Variants in OSBPL6 observed in about 807,000 individuals in gnomAD.
The protein encoded by OSBPL6 is oxysterol-binding protein-related protein 6.
In OSBPL6, 49 loss-of-function variants were observed where a neutral mutation model predicts 125.8. The observed-to-expected ratio is 0.39, with a 90% CI of 0.31 to 0.49. The LOEUF is 0.49. Among genes scored for constraint, OSBPL6 ranks in the 20% least tolerant of loss-of-function variants. The pLI is 0.88. For missense variants in OSBPL6, 986 were observed against 1,135.4 expected, an observed-to-expected ratio of 0.87 and a Z score of 1.89; for synonymous variants, 394 against 391.8, an observed-to-expected ratio of 1.01 and a Z score of -0.07.
intron 1 of OSBPL6, among the ~76,000 whole-genome samples, chr2:178,225,241 TA>T (rs572870964): frequency 0.026 from 3,626 of 137,712 alleles, 116 homozygotes; most frequent in African/African-American, 0.081. Context: ...CCCATTACTT[TA>T]AAAAAAAAAA....
At chr2:178,243,517 A>C (rs577626161) in intron 1 of OSBPL6, among the ~76,000 whole-genome samples, 4 of 151,992 alleles carry the variant, frequency 2.6e-5, no homozygotes. Context: ...TCATTCCTTC[A>C]CTGCACTCCC....
At chr2:178,348,285 C>CT (rs1366096201) in intron 11 of OSBPL6, among the ~76,000 whole-genome samples, 3 of 152,156 alleles carry the variant, frequency 2.0e-5, no homozygotes, top group Non-Finnish European at 2.9e-5. Flanking sequence ...GTGGTGGAGT[C>CT]TAAGAGTCTG....
At chr2:178,381,271 T>C (rs959710139) in intron 15 of OSBPL6, among the ~76,000 whole-genome samples, 1 of 152,212 alleles carries the variant, frequency 6.6e-6, no homozygotes, top group Non-Finnish European at 1.5e-5. Flanking sequence ...TTGTGTTTCA[T>C]TTTAGTTTCA....
At position 178,392,451 on chromosome 2, in the gene OSBPL6, C is replaced by T; in HGVS notation, c.2486C>T (p.Thr829Ile). 6.2e-7 allele frequency: 1 copy of T among 1,614,014 alleles called. No homozygotes were observed. The highest frequency in any genetic ancestry group is 8.5e-7 in the Non-Finnish European group (1 of 1,179,934). ...AACTATGAGCTGTACTATGGCTTCA[C>T]AAGGTTTGCTATTGAGCTCAATGAG... ...PTNYELYYGF[T>I]RFAIELNELD... Residue 829 changes from threonine (T) to isoleucine (I), a missense_variant, in exon 23 of 25, where the codon ACA (threonine) becomes ATA (isoleucine). Coordinates refer to ENST00000190611, the MANE Select transcript of OSBPL6 (RefSeq NM_032523.4).
chr2:178,307,939 G>A (rs1303757511), intron 3 of OSBPL6, among the ~76,000 whole-genome samples: 5 of 152,230 alleles, frequency 3.3e-5, no homozygotes, highest in Non-Finnish European at 7.3e-5. Context: ...AGACCCTGGT[G>A]TGCCGGAGGG....
intron 2 of OSBPL6, among the ~76,000 whole-genome samples, chr2:178,287,551 C>G (rs1436397399): frequency 6.6e-6 from 1 of 152,040 alleles, no homozygotes; most frequent in Non-Finnish European, 1.5e-5. Context: ...AATAAAGTAC[C>G]TGAAAATTTG....
At chr2:178,318,083 C>T (rs1421003801) in intron 3 of OSBPL6, among the ~76,000 whole-genome samples, 2 of 152,188 alleles carry the variant, frequency 1.3e-5, no homozygotes, top group Non-Finnish European at 2.9e-5. Flanking sequence ...AGCTCTGGTT[C>T]TATTTCTACT....
intron 2 of OSBPL6, among the ~76,000 whole-genome samples, chr2:178,291,774 C>A (rs892822426): frequency 3.7e-5 from 5 of 134,334 alleles, no homozygotes; most frequent in African/African-American, 1.4e-4. Flanking sequence ...TCCTCCTTCC[C>A]TGTTTTCCTT....
chr2:178,371,051 C>T (rs1693333142), intron 13 of OSBPL6, among the ~76,000 whole-genome samples: 1 of 152,188 alleles, frequency 6.6e-6, no homozygotes, highest in African/African-American at 2.4e-5. Flanking sequence ...TTACTGTATT[C>T]ATTGGCTCTG....
chr2:178,357,632 TGTGGAA>T (rs1312949999), intron 12 of OSBPL6, among the ~76,000 whole-genome samples: 4 of 152,172 alleles, frequency 2.6e-5, no homozygotes, highest in Non-Finnish European at 5.9e-5. Flanking sequence ...TTACACTGTT[TGTGGAA>T]GTGTAAATTA....
chr2:178,197,007 G>A (rs1160691463), intron 1 of OSBPL6, among the ~76,000 whole-genome samples: 2 of 146,980 alleles, frequency 1.4e-5, no homozygotes, highest in South Asian at 2.1e-4. Flanking sequence ...AACGCAGTAT[G>A]TTTCTCTTTT....
rs1057368829 is a variant in OSBPL6, at chr2:178,336,340, T to C, written c.697T>C (p.Cys233Arg). The stretch of plus-strand genomic sequence containing the variant: ...CTTTCCGTGGCAGTCCCCTTTACCA[T>C]GCAGCAATAGCCTCCCTGCAACGTG... ...NSFPWQSPLP[C>R]SNSLPATCTT... Residue 233 changes from cysteine to arginine, a missense_variant, in exon 9 of 25, where the codon TGC (cysteine) becomes CGC (arginine). Coordinates refer to ENST00000190611, the MANE Select transcript of OSBPL6 (RefSeq NM_032523.4). 1.2e-6 allele frequency: 2 copies of C among 1,614,000 alleles called. No homozygotes were observed. Among genetic ancestry groups the C allele is most frequent in the Non-Finnish European group, 1.7e-6 (2 of 1,180,002 alleles).
chr2:178,293,304 G>A (rs1685453550), intron 2 of OSBPL6, among the ~76,000 whole-genome samples: 1 of 152,062 alleles, frequency 6.6e-6, no homozygotes, highest in South Asian at 2.1e-4. Flanking sequence ...GAGAGTGGTG[G>A]GTGGGAGAAC....
At chr2:178,392,610 C>T (rs1015734896) in intron 23 of OSBPL6, 72 bp downstream of exon 23, 23 of 1,543,166 alleles carry the variant, frequency 1.5e-5, no homozygotes, top group Admixed American at 5.8e-5. Context: ...AATCCCAGCA[C>T]TTTAGAAGGC....
intron 1 of OSBPL6, among the ~76,000 whole-genome samples, chr2:178,210,534 A>G (rs2089798814): frequency 6.6e-6 from 1 of 152,082 alleles, no homozygotes; most frequent in Non-Finnish European, 1.5e-5. Context: ...TTGCCTGGAC[A>G]CAGTGATTCA....
chr2:178,326,748 C>G (rs994163296), intron 4 of OSBPL6, among the ~76,000 whole-genome samples: 3 of 152,130 alleles, frequency 2.0e-5, no homozygotes, highest in Non-Finnish European at 4.4e-5. Flanking sequence ...GGTTGACAGC[C>G]TATTTAATTG....
chr2:178,285,672 T>C (rs1684634352), intron 2 of OSBPL6, among the ~76,000 whole-genome samples: 1 of 152,242 alleles, frequency 6.6e-6, no homozygotes, highest in South Asian at 2.1e-4. Context: ...AGCCGCTTTA[T>C]ATAACTATTT....
rs554087652 is a variant in OSBPL6 at position 178,367,632 on chromosome 2, G to A, written c.1288-4494G>A. On this transcript the variant is annotated intron_variant, in intron 13 of 24. Transcript: ENST00000190611. ...AGTAGCTAAGGAGGTGGCAATTTAG[G>A]TAATTGATTCTGGCTCAAATCTTTA... 2.0e-5 allele frequency among the ~76,000 whole-genome samples: 3 copies of A among 152,300 alleles called. No homozygotes were observed. The South Asian group carries it at 6.2e-4, about 32-fold the overall frequency.
intron 1 of OSBPL6, among the ~76,000 whole-genome samples, chr2:178,279,965 C>T (rs144070426): frequency 4.9e-4 from 75 of 152,118 alleles, no homozygotes; most frequent in African/African-American, 1.7e-3. Flanking sequence ...TTTGGGAGGC[C>T]GAGGCGAGTG....
Sources: allele counts gnomAD v4.1 joint callset (sites outside exome capture counted in the v4.1 genomes callset), GRCh38; gene constraint gnomAD v4.1.1; transcripts MANE v1.5; gene names NCBI Gene and HGNC (gene_info 2026-07-23, HGNC 2026-07-21).